Variants in CACNA2D3 observed in about 807,000 individuals in gnomAD.
CACNA2D3 encodes calcium voltage-gated channel auxiliary subunit alpha2delta 3, also known as voltage-dependent calcium channel subunit alpha-2/delta-3.
In CACNA2D3, 60 loss-of-function variants were observed where a neutral mutation model predicts 160.6. The observed-to-expected ratio is 0.37, with a 90% confidence interval of 0.30 to 0.46. The LOEUF (loss-of-function observed/expected upper bound fraction) is 0.46. Ranked by LOEUF, CACNA2D3 falls within the 20% of genes least tolerant of loss-of-function variation. The probability of loss-of-function intolerance (pLI) is 1.00; values close to 1 mark genes in which losing one functional copy is unlikely to be tolerated. For synonymous variants in CACNA2D3, 558 were observed against 492.9 expected (o/e 1.13, Z -1.75); for missense variants, 1,205 against 1,365.0 (o/e 0.88, Z 1.85).
rs367557966 is a variant in CACNA2D3 at position 54,887,996 on chromosome 3, G to C, written c.2094G>C (p.Ala698=). 1.2e-6 allele frequency: 2 copies of C among 1,613,866 alleles called. No homozygotes were observed. The highest frequency in any genetic ancestry group is 2.2e-5 in the South Asian group (2 of 91,066). The change falls in exon 24 of 38, where the codon GCG becomes GCC. Residue 698 remains alanine (A), a synonymous_variant. Transcript: ENST00000474759. ...TGATCCAAGAAGTCCTTTTTGACGC[G>C]GTGGTGAGTGCCCCCATTGAAGCGT... ...KELIQEVLFD[A]VVSAPIEAYW...
At chr3:54,176,046 T>C (rs887279491) in intron 2 of CACNA2D3, among the ~76,000 whole-genome samples, 1 of 152,238 alleles carries the variant, frequency 6.6e-6, no homozygotes, top group African/African-American at 2.4e-5. Flanking sequence ...ATCCAGACTT[T>C]AGGCTGATAA....
chr3:54,508,731 C>T (rs1330606210), intron 5 of CACNA2D3, among the ~76,000 whole-genome samples: 2 of 152,168 alleles, frequency 1.3e-5, no homozygotes, highest in African/African-American at 4.8e-5. Context: ...GGCTAGACCA[C>T]GCTTTCATCC....
rs376464846 is a variant in CACNA2D3, at chr3:54,309,095, G to A, written c.205-11347G>A. ...GGGGTTGTGAGGATGTATGTATAGC[G>A]TAAATATTCTCATTTCAGAGCCTCA... On this transcript the variant is annotated intron_variant, in intron 2 of 37. Transcript: ENST00000474759. 2.6e-5 allele frequency among the ~76,000 whole-genome samples: 4 copies of A among 152,214 alleles called. No individual in the cohort carries two copies. In the South Asian group the frequency reaches 8.3e-4, roughly 32 times the overall value.
At chr3:54,735,528 A>G (rs1426997152) in intron 11 of CACNA2D3, among the ~76,000 whole-genome samples, 4 of 152,208 alleles carry the variant, frequency 2.6e-5, no homozygotes, top group African/African-American at 9.6e-5. Flanking sequence ...CTGTTGGTCT[A>G]ATCCATTGTT....
At chr3:54,731,572 T>TGCATTTG (rs1701387414) in intron 11 of CACNA2D3, among the ~76,000 whole-genome samples, 1 of 152,158 alleles carries the variant, frequency 6.6e-6, no homozygotes, top group Admixed American at 6.5e-5. Context: ...GTCCAGAACA[T>TGCATTTG]GTCTGGGGCT....
intron 2 of CACNA2D3, among the ~76,000 whole-genome samples, chr3:54,206,906 C>T (rs1402331675): frequency 6.6e-6 from 1 of 152,218 alleles, no homozygotes; most frequent in East Asian, 1.9e-4. Flanking sequence ...TGATGCAGTT[C>T]TCTTCCAAGG....
At position 54,384,856 on chromosome 3, in the gene CACNA2D3, A is replaced by C. The variant is rs566851798; in HGVS notation, c.322-1859A>C. Among the ~76,000 whole-genome samples the C allele has an allele frequency of 3.7e-4, 57 of 152,020 alleles. 2 individuals are homozygous for C. The highest frequency in any genetic ancestry group is 5.9e-5 in the Non-Finnish European group (4 of 68,016). ...TGCCTCAGCCTCCTGAATAGCTGAG[A>C]CTACAGGCATGTGCCACCACGCCTG... On this transcript the variant is annotated intron_variant, in intron 3 of 37. Transcript: ENST00000474759.
intron 35 of CACNA2D3, among the ~76,000 whole-genome samples, chr3:55,023,070 T>A (rs1045562551): frequency 2.2e-4 from 34 of 152,288 alleles, no homozygotes; most frequent in African/African-American, 7.7e-4. Context: ...TGATAAATTC[T>A]CATTCTTTGT....
At chr3:54,829,114 G>A (rs972531543) in intron 14 of CACNA2D3, among the ~76,000 whole-genome samples, 1 of 152,198 alleles carries the variant, frequency 6.6e-6, no homozygotes, top group Non-Finnish European at 1.5e-5. Context: ...AGAGTCAGAT[G>A]ATGTTAACAT....
At chr3:54,128,649 G>A (rs1175891657) in intron 2 of CACNA2D3, among the ~76,000 whole-genome samples, 2 of 152,160 alleles carry the variant, frequency 1.3e-5, no homozygotes, top group Admixed American at 1.3e-4. Context: ...GACATGAGCA[G>A]CAGCTACTTC....
intron 2 of CACNA2D3, among the ~76,000 whole-genome samples, chr3:54,194,068 G>A (rs1249434001): frequency 1.3e-5 from 2 of 152,104 alleles, no homozygotes; most frequent in Admixed American, 6.6e-5. Flanking sequence ...ACGAGGGGGC[G>A]GGAAGGGTGT....
chr3:54,227,756 G>A (rs534577647), intron 2 of CACNA2D3, among the ~76,000 whole-genome samples: 1 of 152,002 alleles, frequency 6.6e-6, no homozygotes, highest in South Asian at 2.1e-4. Context: ...GTTTCACCTC[G>A]GCCAGGATGA....
At position 54,432,389 on chromosome 3, in the gene CACNA2D3, C is replaced by T. The variant is rs115570726; in HGVS notation, c.381+45615C>T. Among the ~76,000 whole-genome samples the T allele has an allele frequency of 6.7e-3, 1,018 of 152,190 alleles. 13 individuals carry two copies. Among genetic ancestry groups the T allele is most frequent in the African/African-American group, 0.023 (969 of 41,532 alleles). On this transcript the variant is annotated intron_variant, in intron 4 of 37. Transcript: ENST00000474759. ...TTCAGATGGTGTTATCAATATATAA[C>T]TAGAGCAAAAAAATGCAGATGTGTT...
At position 54,183,892 on chromosome 3, in the gene CACNA2D3, G is replaced by GAAAAAA. The variant is rs58956795; in HGVS notation, c.204+60321_204+60326dup. Among the ~76,000 whole-genome samples the GAAAAAA allele has an allele frequency of 2.6e-3, 212 of 80,802 alleles. 5 individuals are homozygous for GAAAAAA. Among genetic ancestry groups the GAAAAAA allele is most frequent in the South Asian group, 4.1e-3 (7 of 1,706 alleles). The allele number at this position is 80,802 out of a possible 152,430, so 53.0% of individuals were successfully genotyped here. On this transcript the variant is annotated intron_variant, in intron 2 of 37. Coordinates refer to ENST00000474759, the MANE Select transcript of CACNA2D3 (RefSeq NM_018398.3). Reference sequence around the variant, plus strand: ...AAAAGCGAAACTCCGTCTCAAAAAAGAAAAAAAAAAAAAAAAAAAAAAAAA... The same window carrying GAAAAAA: ...AAAAGCGAAACTCCGTCTCAAAAAAGAAAAAAAAAAAAAAAAAAAAAAAAAAAAAAA...
chr3:54,856,192 A>G lies in CACNA2D3; in HGVS notation c.1626+9725A>G, dbSNP rs139474261. On this transcript the variant is annotated intron_variant, in intron 17 of 37. Transcript: ENST00000474759. ...AAATGACGAGAGAAAACCCATGTGT[A>G]GGAAATCGAGCACACAATGAAACAA... 1.6e-3 allele frequency among the ~76,000 whole-genome samples: 248 copies of G among 152,364 alleles called. 2 individuals are homozygous for G. Among genetic ancestry groups the G allele is most frequent in the African/African-American group, 5.6e-3 (233 of 41,582 alleles).
chr3:54,652,566 T>C (rs1699791719), intron 11 of CACNA2D3, among the ~76,000 whole-genome samples: 1 of 151,974 alleles, frequency 6.6e-6, no homozygotes, highest in Non-Finnish European at 1.5e-5. Flanking sequence ...GGGAAGGCAT[T>C]CATGGCAGAG....
intron 5 of CACNA2D3, among the ~76,000 whole-genome samples, chr3:54,529,110 A>G (rs1701767715): frequency 6.6e-6 from 1 of 152,248 alleles, no homozygotes; most frequent in African/African-American, 2.4e-5. Flanking sequence ...CAGTCCTCTG[A>G]AATGACAGCA....
chr3:54,257,757 A>G (rs561732093), intron 2 of CACNA2D3, among the ~76,000 whole-genome samples: 26 of 152,326 alleles, frequency 1.7e-4, no homozygotes, highest in Middle Eastern at 6.8e-3. Flanking sequence ...CTGTTCTTCC[A>G]TGGTTGCAAT....
chr3:54,131,970 A>G (rs1699719026), intron 2 of CACNA2D3, among the ~76,000 whole-genome samples: 1 of 147,496 alleles, frequency 6.8e-6, no homozygotes, highest in Non-Finnish European at 1.5e-5. Flanking sequence ...GCAGAGGTGG[A>G]ACAATATTGT....
Sources: gnomAD v4.1 joint callset for allele counts (sites outside exome capture counted in the v4.1 genomes callset) on GRCh38, gnomAD v4.1.1 for gene constraint, MANE v1.5 for transcripts, NCBI Gene and HGNC (gene_info 2026-07-23, HGNC 2026-07-21) for gene names.